The following HERC1 variants were observed in gnomAD, a reference collection of about 807,000 sequenced individuals.
HERC1 encodes probable E3 ubiquitin-protein ligase HERC1.
A neutral mutation model predicts 554.3 loss-of-function variants in HERC1; 160 were observed. The ratio of observed to expected loss-of-function variants is 0.29; its 90% CI spans 0.25 to 0.33. HERC1 has a LOEUF of 0.33. Among genes scored for constraint, HERC1 ranks in the 10% least tolerant of loss-of-function variants. The pLI is 1.00. For missense variants in HERC1, 4,919 were observed against 5,918.5 expected (o/e 0.83, Z 5.54); for synonymous variants, 2,175 against 2,131.7 (o/e 1.02, Z -0.56).
At chr15:63,643,312 A>C (rs1210247158) in intron 58 of HERC1, 92 bp downstream of exon 58, 1 of 1,147,174 alleles carries the variant, frequency 8.7e-7, no homozygotes, top group Non-Finnish European at 1.2e-6. Context: ...ATTACTATAT[A>C]AAATGTTTCT....
intron 39 of HERC1, among the ~76,000 whole-genome samples, chr15:63,671,904 C>T (rs1286085041): frequency 6.6e-6 from 1 of 152,188 alleles, no homozygotes; most frequent in Non-Finnish European, 1.5e-5. Flanking sequence ...TCCCTGAAGG[C>T]TCTTCTCTCA....
chr15:63,629,706 G>A (rs2068462771), intron 69 of HERC1, among the ~76,000 whole-genome samples: 1 of 152,190 alleles, frequency 6.6e-6, no homozygotes, highest in African/African-American at 2.4e-5. Flanking sequence ...GTCTGTTAAT[G>A]CAGTGATGAG....
intron 1 of HERC1, among the ~76,000 whole-genome samples, chr15:63,790,375 G>A (rs188939538): frequency 2.6e-5 from 4 of 152,162 alleles, no homozygotes; most frequent in Admixed American, 2.0e-4. Flanking sequence ...TCAGGAGATC[G>A]AGACCAACCT....
rs940124856 is a variant in HERC1, at chr15:63,749,833, G to A, written c.1903-42C>T. 6.8e-7 allele frequency: 1 copy of A among 1,462,706 alleles called. No homozygotes were observed. The highest frequency in any genetic ancestry group is 2.6e-5 in the East Asian group (1 of 39,204). 90.6% of individuals were successfully genotyped at this position (1,462,706 alleles called of 1,614,324 possible). On this transcript the variant is annotated intron_variant, in intron 8 of 77. Transcript: ENST00000443617. This position sits in a 1 kb window ranked among gnomAD's most constrained non-coding sequence, Gnocchi z 4.1. ...TACGTTACACATAACTTCCTGAGAT[G>A]ATTAGATTGTTGGCTTTAGGGATAA... is the stretch of plus-strand genomic sequence containing the variant.
chr15:63,648,324 T>C (rs2152874155), intron 54 of HERC1, 125 bp from the exon 55 acceptor site: 1 of 897,860 alleles, frequency 1.1e-6, no homozygotes, highest in African/African-American at 1.7e-5. Flanking sequence ...CAAATAGCTC[T>C]TTAATGCATT....
chr15:63,812,230 T>C (rs2077346472), intron 1 of HERC1, among the ~76,000 whole-genome samples: 2 of 152,204 alleles, frequency 1.3e-5, no homozygotes, highest in African/African-American at 4.8e-5. Flanking sequence ...GGGCAGCGAA[T>C]AGCCTGGTTC....
chr15:63,812,560 C>T lies in HERC1; in HGVS notation c.-27+21267G>A, dbSNP rs1444464550. ...TTTCCTCATCTTGAACTGTATCTAA[C>T]TCCCTCCTGAGAATCTCTCAGGTTG... On this transcript the variant is annotated intron_variant, in intron 1 of 77. Coordinates refer to ENST00000443617, the MANE Select transcript of HERC1 (RefSeq NM_003922.4). 4.6e-5 allele frequency among the ~76,000 whole-genome samples: 7 copies of T among 152,302 alleles called. No individual in the cohort carries two copies. In the East Asian group the frequency reaches 1.2e-3, roughly 25 times the overall value.
intron 19 of HERC1, among the ~76,000 whole-genome samples, chr15:63,720,103 C>CTTCTTTTTTTTTTTTTTTT (rs2073748259): frequency 1.4e-5 from 1 of 71,608 alleles, no homozygotes; most frequent in Non-Finnish European, 2.7e-5. Flanking sequence ...TTTTTCTTCC[C>CTTCTTTTTTTTTTTTTTTT]TTTTTTTTTT....
Position 63,774,815 on chromosome 15 carries a change from A to G in HERC1, c.809T>C (p.Met270Thr). The change falls in exon 2 of 78, where the codon ATG (methionine) becomes ACG (threonine). Residue 270 changes from methionine (M) to threonine (T), a missense_variant. By Grantham distance (81) the Met-to-Thr change is moderately conservative (BLOSUM62 -1). Transcript: ENST00000443617. Reference sequence around the variant, plus strand: ...TACAACTGCCGAAGCCCCCAAAGCCATTTCTATCCATTCAAGAAGATATCG... The same window carrying G: ...TACAACTGCCGAAGCCCCCAAAGCCGTTTCTATCCATTCAAGAAGATATCG... ...SLRYLLEWIE[M>T]ALGASAVVHT... The G allele has an allele frequency of 6.2e-7, 1 of 1,613,966 alleles. No individual in the cohort carries two copies. Among genetic ancestry groups the G allele is most frequent in the Non-Finnish European group, 8.5e-7 (1 of 1,179,876 alleles).
At chr15:63,730,094 AC>A (rs1212982918) in intron 14 of HERC1, among the ~76,000 whole-genome samples, 1 of 150,324 alleles carries the variant, frequency 6.7e-6, no homozygotes, top group Non-Finnish European at 1.5e-5. Context: ...ATTTGCTATA[AC>A]CCTTATGATA....
At chr15:63,757,151 GA>G (rs1283314232) in intron 4 of HERC1, among the ~76,000 whole-genome samples, 3 of 147,696 alleles carry the variant, frequency 2.0e-5, no homozygotes, top group Non-Finnish European at 3.0e-5. Context: ...ACATTTTAAT[GA>G]AAGTAATAAT....
At chr15:63,620,940 T>C (rs1464606690) in intron 74 of HERC1, among the ~76,000 whole-genome samples, 1 of 152,228 alleles carries the variant, frequency 6.6e-6, no homozygotes, top group Non-Finnish European at 1.5e-5. Context: ...GTCTTGACTC[T>C]TTATCCAATT....
At chr15:63,687,083 T>A (rs929790994) in intron 33 of HERC1, among the ~76,000 whole-genome samples, 14 of 152,204 alleles carry the variant, frequency 9.2e-5, no homozygotes, top group African/African-American at 1.4e-4. Flanking sequence ...TGTGTCATAT[T>A]GTTTGAATTT....
At position 63,628,749 on chromosome 15, in the gene HERC1, C is replaced by T. The variant is rs996118815; in HGVS notation, c.13033G>A (p.Val4345Ile). 2.5e-6 allele frequency: 4 copies of T among 1,613,918 alleles called. No homozygotes were observed. The African/African-American group carries it at 5.3e-5, about 22-fold the overall frequency. Reference sequence around the variant, plus strand: ...CAGCGGCCAGCCGAGATCTGCCGAACATTTTTCCCTTGCAGACCTGTTACC... The same window carrying T: ...CAGCGGCCAGCCGAGATCTGCCGAATATTTTTCCCTTGCAGACCTGTTACC... ...TLVTGLQGKN[V>I]RQISAGRCHS... Residue 4345 changes from valine to isoleucine, a missense_variant, in exon 70 of 78, where the codon GTT (valine) becomes ATT (isoleucine). Val to Ile is a conservative substitution (Grantham distance 29). This residue lies in a region of HERC1 where 410 missense variants were observed against 467.0 expected (regional missense o/e 0.88). Coordinates refer to ENST00000443617, the MANE Select transcript of HERC1 (RefSeq NM_003922.4).
chr15:63,727,547 C>T lies in HERC1; in HGVS notation c.3346+100G>A. On this transcript the variant is annotated intron_variant, in intron 17 of 77. Transcript: ENST00000443617. This position sits in a 1 kb window ranked among gnomAD's most constrained non-coding sequence, Gnocchi z 4.3. ...TTCAGTGATGAAATTCCTTTGATAG[C>T]CTTAGGATAGATAGACTCCAATGGA... 1 of 777,450 alleles carries T rather than the reference C, an allele frequency of 1.3e-6. No individual in the cohort carries two copies. The highest frequency in any genetic ancestry group is 2.7e-5 in the East Asian group (1 of 37,284). 48.2% of individuals were successfully genotyped at this position (777,450 alleles called of 1,614,324 possible). A position where few individuals can be genotyped will look rare whatever the true frequency, so the allele number is the denominator to read the frequency against.
intron 50 of HERC1, 135 bp downstream of exon 50, chr15:63,655,607 T>A: frequency 1.6e-6 from 1 of 617,342 alleles, no homozygotes; most frequent in Non-Finnish European, 2.8e-6. Context: ...TGAAAAAGTA[T>A]CTATGCACTT....
At chr15:63,701,920 C>G (rs2072741911) in intron 25 of HERC1, among the ~76,000 whole-genome samples, 1 of 152,006 alleles carries the variant, frequency 6.6e-6, no homozygotes, top group South Asian at 2.1e-4. Flanking sequence ...TTCTACATAA[C>G]AATTGAGACT....
intron 18 of HERC1, among the ~76,000 whole-genome samples, chr15:63,724,296 T>C (rs1250963801): frequency 6.6e-6 from 1 of 152,188 alleles, no homozygotes; most frequent in African/African-American, 2.4e-5. Flanking sequence ...TAAAGACCCC[T>C]TGAAAAACCA....
Position 63,758,793 on chromosome 15 carries a change from CAA to C in HERC1, c.1027-426_1027-425del, listed in dbSNP as rs2075513325. Reference sequence around the variant, plus strand: ...GGATACATAAAAGTGACAAACTGCACAAAAGAGTCATGCAAATCCATGCCTAC... The same window carrying C: ...GGATACATAAAAGTGACAAACTGCACAAGAGTCATGCAAATCCATGCCTAC... On this transcript the variant is annotated intron_variant, in intron 3 of 77. Transcript: ENST00000443617. The surrounding 1 kb of genome is among the most constrained non-coding windows in gnomAD (Gnocchi z 4.0). Among the ~76,000 whole-genome samples the C allele has an allele frequency of 6.6e-6, 1 of 152,188 alleles. No individual in the cohort carries two copies. Among genetic ancestry groups the C allele is most frequent in the South Asian group, 2.1e-4 (1 of 4,828 alleles).
Sources: allele counts gnomAD v4.1 joint callset (sites outside exome capture counted in the v4.1 genomes callset), GRCh38; gene constraint gnomAD v4.1.1; regional missense constraint gnomAD v4.1.1; non-coding constraint Gnocchi (gnomAD v3.1); transcripts MANE v1.5; gene names NCBI Gene and HGNC (gene_info 2026-07-23, HGNC 2026-07-21).